The following C12orf42 variants were observed in gnomAD, a reference collection of about 807,000 sequenced individuals.
C12orf42 encodes uncharacterized protein C12orf42.
In C12orf42, 25 loss-of-function variants were observed where a neutral mutation model predicts 21.6. The ratio of observed to expected loss-of-function variants is 1.16; its 90% CI spans 0.84 to 1.62. The LOEUF (loss-of-function observed/expected upper bound fraction) is 1.62, where lower values mean the gene tolerates loss of function less well. Ranked by LOEUF, C12orf42 falls within the 40% of genes most tolerant of loss-of-function variation. The pLI is 0.00. For missense variants in C12orf42, 483 were observed against 459.3 expected (o/e 1.05, Z -0.47); for synonymous variants, 174 against 175.0 (o/e 0.99, Z 0.05).
At chr12:103,462,220 G>T (rs1195012989) in intron 2 of C12orf42, among the ~76,000 whole-genome samples, 5 of 146,838 alleles carry the variant, frequency 3.4e-5, no homozygotes, top group Non-Finnish European at 7.4e-5. Flanking sequence ...TGATTCTCCT[G>T]TCGCAACCTC....
chr12:103,322,131 A>ACG (rs1392859289), intron 4 of C12orf42, among the ~76,000 whole-genome samples: 1 of 129,204 alleles, frequency 7.7e-6, no homozygotes, highest in Admixed American at 7.0e-5. Context: ...GCGCGCACAC[A>ACG]CACACACACA....
chr12:103,486,292 T>C (rs141684186), intron 1 of C12orf42, among the ~76,000 whole-genome samples: 9 of 152,368 alleles, frequency 5.9e-5, no homozygotes, highest in African/African-American at 2.2e-4. Context: ...TCTGCATATG[T>C]TGAGCCAGCC....
chr12:103,393,855 T>C (rs2138513242), intron 3 of C12orf42, among the ~76,000 whole-genome samples: 1 of 152,318 alleles, frequency 6.6e-6, no homozygotes, highest in South Asian at 2.1e-4. Context: ...ATTTCACCTC[T>C]GAAAAGCAAC....
chr12:103,342,889 C>T (rs1475724337), intron 4 of C12orf42, among the ~76,000 whole-genome samples: 1 of 152,166 alleles, frequency 6.6e-6, no homozygotes, highest in Non-Finnish European at 1.5e-5. Context: ...TGGGCACATG[C>T]AAGGGTGCTA....
chr12:103,112,018 G>T, the C12orf42 span, among the ~76,000 whole-genome samples: 16 of 152,174 alleles, frequency 1.1e-4, no homozygotes, highest in Non-Finnish European at 2.2e-4. Context: ...AGTCTGATGA[G>T]TTTTAGTCTG....
chr12:103,536,314 T>C, the C12orf42 span, among the ~76,000 whole-genome samples: 2 of 152,036 alleles, frequency 1.3e-5, no homozygotes, highest in African/African-American at 4.8e-5. Flanking sequence ...ACATCTTGAG[T>C]TTGAAATGTC....
intron 4 of C12orf42, among the ~76,000 whole-genome samples, chr12:103,352,139 C>G (rs1355553181): frequency 6.6e-6 from 1 of 152,098 alleles, no homozygotes; most frequent in Non-Finnish European, 1.5e-5. Context: ...TGGAATTTTT[C>G]CTGTTCCTCT....
At chr12:103,526,523 C>A in the C12orf42 span, among the ~76,000 whole-genome samples, 1 of 152,010 alleles carries the variant, frequency 6.6e-6, no homozygotes, top group African/African-American at 2.4e-5. Context: ...ATGATTAGTC[C>A]CATTTGCAGA....
intron 4 of C12orf42, among the ~76,000 whole-genome samples, chr12:103,284,528 C>T (rs907642423): frequency 6.6e-6 from 1 of 152,096 alleles, no homozygotes; most frequent in Non-Finnish European, 1.5e-5. Context: ...AATACCCAGA[C>T]CACAAGATAA....
chr12:103,290,825 CGT>C (rs1359102325), intron 4 of C12orf42, among the ~76,000 whole-genome samples: 2 of 151,760 alleles, frequency 1.3e-5, no homozygotes, highest in Non-Finnish European at 1.5e-5. Flanking sequence ...CTTTAGAAAA[CGT>C]GTAGAATGGA....
At chr12:103,417,560 C>T (rs907496969) in intron 2 of C12orf42, among the ~76,000 whole-genome samples, 1 of 152,194 alleles carries the variant, frequency 6.6e-6, no homozygotes, top group East Asian at 1.9e-4. Flanking sequence ...ATGGCAGCAT[C>T]CATACTTTGT....
intron 1 of C12orf42, among the ~76,000 whole-genome samples, chr12:103,480,840 G>C (rs182651206): frequency 4.6e-5 from 7 of 151,526 alleles, no homozygotes; most frequent in African/African-American, 1.7e-4. Flanking sequence ...TATTTCATAT[G>C]TGCTTAGATT....
At chr12:103,470,976 G>A (rs1953556360) in intron 2 of C12orf42, among the ~76,000 whole-genome samples, 1 of 152,174 alleles carries the variant, frequency 6.6e-6, no homozygotes. Context: ...CATCCTTACT[G>A]TGCTCTGTCT....
the C12orf42 span, among the ~76,000 whole-genome samples, chr12:103,138,416 C>G: frequency 6.6e-6 from 1 of 152,178 alleles, no homozygotes; most frequent in Non-Finnish European, 1.5e-5. Flanking sequence ...CTCGCTCGCT[C>G]TCTCCTGCTG....
chr12:103,251,374 C>T (rs538379221), intron 10 of C12orf42, among the ~76,000 whole-genome samples: 61 of 152,238 alleles, frequency 4.0e-4, no homozygotes, highest in African/African-American at 1.4e-3. Flanking sequence ...TTCCCTTACA[C>T]AAACTTTAAT....
At chr12:103,508,482 G>T in the C12orf42 span, among the ~76,000 whole-genome samples, 1 of 152,074 alleles carries the variant, frequency 6.6e-6, no homozygotes, top group Non-Finnish European at 1.5e-5. Context: ...AGCCAAATTT[G>T]AATACCCATA....
chr12:103,135,183 G>T, the C12orf42 span, among the ~76,000 whole-genome samples: 4 of 152,172 alleles, frequency 2.6e-5, no homozygotes, highest in Non-Finnish European at 4.4e-5. Flanking sequence ...GGCTGGGCAG[G>T]TTTGCTCATG....
At chr12:103,240,574 T>A (rs2033686972) in intron 10 of C12orf42, among the ~76,000 whole-genome samples, 1 of 152,182 alleles carries the variant, frequency 6.6e-6, no homozygotes, top group Non-Finnish European at 1.5e-5. Context: ...GTAGTTGGAC[T>A]GTGTGTAGGC....
intron 2 of C12orf42, among the ~76,000 whole-genome samples, chr12:103,437,299 G>C (rs1261080242): frequency 1.3e-5 from 2 of 152,146 alleles, no homozygotes; most frequent in African/African-American, 4.8e-5. Flanking sequence ...ACAAGAGAAA[G>C]CAGGAAAGAT....
Sources: gnomAD v4.1 joint callset for allele counts (sites outside exome capture counted in the v4.1 genomes callset) on GRCh38, gnomAD v4.1.1 for gene constraint, MANE v1.5 for transcripts, NCBI Gene and HGNC (gene_info 2026-07-23, HGNC 2026-07-21) for gene names.